PXDNL: variants seen among roughly 807,000 people sequenced by gnomAD.
The protein encoded by PXDNL is peroxidasin like.
In PXDNL, 145 loss-of-function variants were observed where a neutral mutation model predicts 150.8. The ratio of observed to expected loss-of-function variants is 0.96; its 90% CI spans 0.84 to 1.10. PXDNL has a LOEUF of 1.10. Among genes scored for constraint, PXDNL ranks in the 50% least tolerant of loss-of-function variants. PXDNL has a pLI of 0.00. For synonymous variants in PXDNL, 757 were observed against 725.7 expected (o/e 1.04, Z -0.69); for missense variants, 2,087 against 1,873.9 (o/e 1.11, Z -2.10).
intron 19 of PXDNL, among the ~76,000 whole-genome samples, chr8:51,356,475 A>G (rs909786569): frequency 2.7e-5 from 4 of 148,056 alleles, no homozygotes; most frequent in Non-Finnish European, 6.0e-5. Context: ...GATAAGAGTG[A>G]AACTCCATCT....
chr8:51,378,916 G>A (rs116425282), intron 17 of PXDNL, among the ~76,000 whole-genome samples: 1,535 of 152,204 alleles, frequency 0.01, 19 homozygotes, highest in African/African-American at 0.034. Flanking sequence ...CACTCACGGC[G>A]AGGGTCTGCG....
chr8:51,526,714 A>G (rs1338038058), intron 4 of PXDNL, among the ~76,000 whole-genome samples: 1 of 152,158 alleles, frequency 6.6e-6, no homozygotes, highest in Admixed American at 6.5e-5. Context: ...TTTGGCATGG[A>G]GTGGGAATTT....
intron 12 of PXDNL, among the ~76,000 whole-genome samples, chr8:51,428,050 T>C (rs1172437954): frequency 6.6e-6 from 1 of 152,192 alleles, no homozygotes; most frequent in Non-Finnish European, 1.5e-5. Context: ...TATTAATATA[T>C]AGATAGTATT....
At chr8:51,637,305 C>G (rs1814626733) in intron 2 of PXDNL, among the ~76,000 whole-genome samples, 4 of 152,286 alleles carry the variant, frequency 2.6e-5, no homozygotes, top group Admixed American at 2.0e-4. Context: ...TCTCCCCCTA[C>G]AAATGAACGC....
chr8:51,747,756 C>T (rs898939661), intron 1 of PXDNL, among the ~76,000 whole-genome samples: 2 of 152,190 alleles, frequency 1.3e-5, no homozygotes, highest in African/African-American at 4.8e-5. Context: ...TAGGATCAAA[C>T]TTGGGTTAAT....
intron 2 of PXDNL, among the ~76,000 whole-genome samples, chr8:51,607,462 A>G (rs1337711689): frequency 6.6e-6 from 1 of 151,984 alleles, no homozygotes; most frequent in Admixed American, 6.5e-5. Context: ...TTCTACCCCC[A>G]CTGCCAATAA....
chr8:51,369,832 C>A (rs1001154835), intron 19 of PXDNL, among the ~76,000 whole-genome samples: 4 of 152,206 alleles, frequency 2.6e-5, no homozygotes, highest in African/African-American at 7.2e-5. Flanking sequence ...CTCCTCTGGT[C>A]TGTTACATCC....
Position 51,457,510 on chromosome 8 carries a change from A to G in PXDNL, c.970T>C (p.Ser324Pro), listed in dbSNP as rs1293726199. The G allele has an allele frequency of 4.4e-6, 7 of 1,608,520 alleles. No homozygotes were observed. Among genetic ancestry groups the G allele is most frequent in the Non-Finnish European group, 5.9e-6 (7 of 1,178,078 alleles). ...ATAATAGTTTTACCTGGAAGACTGG[A>G]GTATCTGAGCATGGCACTCTGTGTC... ...AKTQSAMLRY[S>P]SLPAKPSFVI... Residue 324 changes from serine (S) to proline (P), a missense_variant, in exon 9 of 23, where the codon TCC becomes CCC. Ser to Pro is a moderately conservative substitution (Grantham distance 74, BLOSUM62 -1). Coordinates refer to ENST00000356297, the MANE Select transcript of PXDNL (RefSeq NM_144651.5).
At chr8:51,807,151 T>C (rs1057059716) in intron 1 of PXDNL, among the ~76,000 whole-genome samples, 4 of 152,194 alleles carry the variant, frequency 2.6e-5, no homozygotes, top group African/African-American at 9.7e-5. Context: ...CTGGGTAATT[T>C]ACAAAGAAAA....
chr8:51,609,094 G>C (rs1186722619), intron 2 of PXDNL, among the ~76,000 whole-genome samples: 1 of 152,130 alleles, frequency 6.6e-6, no homozygotes, highest in Non-Finnish European at 1.5e-5. Flanking sequence ...CTCTAAGGAT[G>C]AATGACAACC....
intron 17 of PXDNL, among the ~76,000 whole-genome samples, chr8:51,391,428 G>A (rs1045892444): frequency 4.5e-4 from 69 of 152,140 alleles, no homozygotes; most frequent in Middle Eastern, 3.4e-3. Context: ...TTTAATGATC[G>A]TCATTCTAAC....
intron 1 of PXDNL, among the ~76,000 whole-genome samples, chr8:51,787,120 C>A (rs941661510): frequency 5.1e-4 from 69 of 134,418 alleles, no homozygotes; most frequent in African/African-American, 1.7e-3. Flanking sequence ...AAAAAAGAAT[C>A]TTTTCAAAAT....
At position 51,580,542 on chromosome 8, in the gene PXDNL, C is replaced by A. The variant is rs377022017; in HGVS notation, c.308+12085G>T. ...TTTTATCATACAAAACCAATTTGTT[C>A]CACACATCTGTTCATTAGACTTTTG... On this transcript the variant is annotated intron_variant, in intron 3 of 22. Transcript: ENST00000356297. Among the ~76,000 whole-genome samples the A allele has an allele frequency of 6.6e-5, 10 of 152,200 alleles. No individual in the cohort carries two copies. In the East Asian group the frequency reaches 1.2e-3, roughly 18 times the overall value.
Position 51,453,659 on chromosome 8 carries a change from T to A in PXDNL, c.1109A>T (p.Glu370Val). The change falls in exon 10 of 23, where the codon GAG (glutamate) becomes GTG (valine). Residue 370 changes from glutamate to valine, a missense_variant. By Grantham distance (121) the Glu-to-Val change is moderately radical. Transcript: ENST00000356297. ...TGCCACGTGCCTGGATCCATCCAGCTCCAATCCATTGTCCCTGGTCCAAGT... is the reference window on the plus strand; with the variant it reads ...TGCCACGTGCCTGGATCCATCCAGCACCAATCCATTGTCCCTGGTCCAAGT... ...LITWTRDNGL[E>V]LDGSRHVATS... 1 of 1,614,010 alleles carries A rather than the reference T, an allele frequency of 6.2e-7. No individual in the cohort carries two copies. Among genetic ancestry groups the A allele is most frequent in the Non-Finnish European group, 8.5e-7 (1 of 1,179,884 alleles).
rs531613651 is a variant in PXDNL, at chr8:51,374,462, C to T, written c.3692+135G>A. ...ATTGGTGGTTACAAAAGTTCTGTCA[C>T]CTAATGCTATCTGATATTCATTATA... On this transcript the variant is annotated intron_variant, in intron 18 of 22. Transcript: ENST00000356297. The T allele has an allele frequency of 5.1e-6, 4 of 784,124 alleles. No individual in the cohort carries two copies. The South Asian group carries it at 8.5e-5, about 17-fold the overall frequency. 48.6% of individuals were successfully genotyped at this position (784,124 alleles called of 1,614,324 possible).
intron 2 of PXDNL, among the ~76,000 whole-genome samples, chr8:51,627,440 T>C (rs150428361): frequency 2.6e-5 from 4 of 152,284 alleles, no homozygotes; most frequent in East Asian, 1.9e-4. Context: ...GGAATACACA[T>C]TGAATATCAA....
intron 1 of PXDNL, among the ~76,000 whole-genome samples, chr8:51,726,184 A>C (rs1816813933): frequency 6.6e-6 from 1 of 152,224 alleles, no homozygotes; most frequent in Non-Finnish European, 1.5e-5. Flanking sequence ...CAGTTCTTGA[A>C]TAGTTCATTT....
chr8:51,553,951 C>T (rs1394166562), intron 4 of PXDNL, among the ~76,000 whole-genome samples: 1 of 151,870 alleles, frequency 6.6e-6, no homozygotes. Flanking sequence ...TTTATACATC[C>T]ACATTTAAAA....
chr8:51,556,298 C>T (rs1812598906), intron 4 of PXDNL, among the ~76,000 whole-genome samples: 1 of 151,904 alleles, frequency 6.6e-6, no homozygotes, highest in South Asian at 2.1e-4. Context: ...AATTATAATA[C>T]AGACTCATAA....
Sources: allele counts gnomAD v4.1 joint callset (sites outside exome capture counted in the v4.1 genomes callset), GRCh38; gene constraint gnomAD v4.1.1; transcripts MANE v1.5; gene names NCBI Gene and HGNC (gene_info 2026-07-23, HGNC 2026-07-21).